PARP12: variants seen among roughly 807,000 people sequenced by gnomAD.
PARP12 encodes the protein protein mono-ADP-ribosyltransferase PARP12.
PARP12 carries 59 observed loss-of-function variants against 72.4 expected under a neutral mutation model. That is an observed-to-expected ratio of 0.81 (90% CI 0.66 to 1.01). The LOEUF (loss-of-function observed/expected upper bound fraction) is 1.01, where lower values mean the gene tolerates loss of function less well. PARP12 is among the 50% of genes least tolerant of loss of function. PARP12 has a pLI of 0.00. For synonymous variants in PARP12, 403 were observed against 371.4 expected (o/e 1.09, Z -0.98); for missense variants, 851 against 914.0 (o/e 0.93, Z 0.89).
intron 8 of PARP12, among the ~76,000 whole-genome samples, chr7:140,032,075 A>T (rs1201821958): frequency 6.6e-6 from 1 of 152,168 alleles, no homozygotes; most frequent in African/African-American, 2.4e-5. Flanking sequence ...AAAAATGGAT[A>T]AAAAGACCAA....
Position 140,024,790 on chromosome 7 carries a change from C to T in PARP12, c.1876G>A (p.Glu626Lys). ...AAGGAGGCATTGCCCCTGACGAACTCGCCCACCAGCACCCGGGCCAGGAAC... is the reference window on the plus strand; with the variant it reads ...AAGGAGGCATTGCCCCTGACGAACTTGCCCACCAGCACCCGGGCCAGGAAC... Reference protein sequence around the residue: ...TMFLARVLVGEFVRGNASFVR... With the variant: ...TMFLARVLVGKFVRGNASFVR... Residue 626 changes from glutamate to lysine, a missense_variant, in exon 12 of 12, where the codon GAG becomes AAG. This residue lies in a region of PARP12 where 347 missense variants were observed against 396.1 expected (regional missense o/e 0.88). Coordinates refer to ENST00000263549, the MANE Select transcript of PARP12 (RefSeq NM_022750.4). The T allele has an allele frequency of 1.9e-6, 3 of 1,614,176 alleles. No individual in the cohort carries two copies. The highest frequency in any genetic ancestry group is 1.6e-4 in the Middle Eastern group (1 of 6,062).
intron 2 of PARP12, 128 bp downstream of exon 2, chr7:140,057,771 T>C: frequency 7.5e-7 from 1 of 1,342,134 alleles, no homozygotes; most frequent in Non-Finnish European, 1.0e-6. Context: ...ACATTCCAAA[T>C]TTCTGCAGGT....
chr7:140,048,336 C>A (rs768681465), intron 4 of PARP12, among the ~76,000 whole-genome samples: 1 of 152,158 alleles, frequency 6.6e-6, no homozygotes, highest in Non-Finnish European at 1.5e-5. Context: ...TCCAAGCACA[C>A]GCTGCCTGCC....
At position 140,047,012 on chromosome 7, in the gene PARP12, A is replaced by C. The variant is rs1285298279; in HGVS notation, c.863-5T>G. 2 of 1,610,026 alleles carry C rather than the reference A, an allele frequency of 1.2e-6. No individual in the cohort carries two copies. Among genetic ancestry groups the C allele is most frequent in the East Asian group, 4.5e-5 (2 of 44,820 alleles). On this transcript the variant is annotated splice_polypyrimidine_tract_variant and splice_region_variant and intron_variant, in intron 4 of 11. Transcript: ENST00000263549. ...AATGAACTCTATGGCACTTATCTGAAATAAAAACATAAAGGAGTAAGATAG... is the reference window on the plus strand; with the variant it reads ...AATGAACTCTATGGCACTTATCTGACATAAAAACATAAAGGAGTAAGATAG...
chr7:140,039,018 G>A (rs1816339573), intron 6 of PARP12, among the ~76,000 whole-genome samples: 1 of 152,196 alleles, frequency 6.6e-6, no homozygotes, highest in South Asian at 2.1e-4. Context: ...AGATGCCTGA[G>A]CCAAGGCCCA....
chr7:140,057,455 T>C, intron 2 of PARP12: 1 of 445,786 alleles, frequency 2.2e-6, no homozygotes, highest in Non-Finnish European at 4.0e-6. Flanking sequence ...AATGGCTACA[T>C]CCTAAGGACC....
chr7:140,054,717 C>T lies in PARP12; in HGVS notation c.807G>A (p.Gln269=). 6.2e-7 allele frequency: 1 copy of T among 1,614,152 alleles called. No individual in the cohort carries two copies. The highest frequency in any genetic ancestry group is 8.5e-7 in the Non-Finnish European group (1 of 1,179,988). The part of the protein sequence containing the change: ...SGSVSPNTLS[Q]EEGDQICLYH... ...ACAAACAGATCTGATCACCCTCCTC[C>T]TGGCTAAGAGTGTTTGGGGACACAG... is the stretch of plus-strand genomic sequence containing the variant. The change falls in exon 4 of 12, where the codon CAG becomes CAA. Residue 269 remains glutamine (Q), a synonymous_variant. Coordinates refer to ENST00000263549, the MANE Select transcript of PARP12 (RefSeq NM_022750.4).
intron 7 of PARP12, among the ~76,000 whole-genome samples, chr7:140,037,424 G>A (rs114401544): frequency 1.6e-3 from 242 of 152,352 alleles, no homozygotes; most frequent in African/African-American, 5.5e-3. Context: ...GTTAGTCCTC[G>A]GATACAGCAG....
intron 4 of PARP12, among the ~76,000 whole-genome samples, chr7:140,053,412 T>A (rs944579144): frequency 6.6e-6 from 1 of 152,150 alleles, no homozygotes; most frequent in Non-Finnish European, 1.5e-5. Context: ...AAAAAGTAGA[T>A]CAGGGGTTTC....
In PARP12 at chr7:140,033,113, G is replaced by A. The variant is rs960024083; in HGVS notation, c.1421+1122C>T. 1.0e-5 allele frequency: 9 copies of A among 882,286 alleles called. No individual in the cohort carries two copies. In the East Asian group the frequency reaches 6.0e-4, roughly 59 times the overall value. The allele number at this position is 882,286 out of a possible 1,614,324, so 54.7% of individuals were successfully genotyped here. On this transcript the variant is annotated intron_variant, in intron 8 of 11. Transcript: ENST00000263549. Reference sequence around the variant, plus strand: ...GACTACAGGCGCACAGGCTGGTCTCGAACTCCTGGGCTCAAGCAATCTACC... The same window carrying A: ...GACTACAGGCGCACAGGCTGGTCTCAAACTCCTGGGCTCAAGCAATCTACC...
intron 5 of PARP12, among the ~76,000 whole-genome samples, chr7:140,043,949 G>C (rs113248214): frequency 0.01 from 1,584 of 152,236 alleles, 28 homozygotes; most frequent in African/African-American, 0.036. Flanking sequence ...GAAGAAATGT[G>C]GCAGAGTTTA....
At chr7:140,033,411 T>C (rs1816023466) in intron 8 of PARP12, 1 of 985,290 alleles carries the variant, frequency 1.0e-6, no homozygotes, top group Non-Finnish European at 1.2e-6. Flanking sequence ...GCCAGACCTC[T>C]CAGGCGAACA....
intron 9 of PARP12, 128 bp downstream of exon 9, chr7:140,028,485 T>C (rs1815819434): frequency 7.9e-6 from 6 of 760,810 alleles, no homozygotes; most frequent in Non-Finnish European, 1.2e-5. Flanking sequence ...CATCTGTCAC[T>C]GCCCTCCTGC....
intron 6 of PARP12, chr7:140,038,171 C>T (rs1476809664): frequency 1.0e-5 from 10 of 985,410 alleles, no homozygotes; most frequent in Non-Finnish European, 1.1e-5. Context: ...ATTCAAATGC[C>T]GGCAGAACAG....
At chr7:140,044,150 C>T (rs554762616) in intron 5 of PARP12, among the ~76,000 whole-genome samples, 1 of 152,058 alleles carries the variant, frequency 6.6e-6, no homozygotes, top group Admixed American at 6.6e-5. Flanking sequence ...CTGCACAGCA[C>T]CAAAGAATGA....
intron 8 of PARP12, among the ~76,000 whole-genome samples, chr7:140,031,556 G>A (rs983969917): frequency 2.0e-5 from 3 of 152,166 alleles, no homozygotes; most frequent in African/African-American, 4.8e-5. Context: ...TTGCTTACTG[G>A]AGTTAATGAC....
chr7:140,028,589 GCC>G (rs1322194794), intron 9 of PARP12, 22 bp downstream of exon 9: 20 of 1,552,264 alleles, frequency 1.3e-5, no homozygotes, highest in Non-Finnish European at 1.6e-5. Context: ...TTCCTGTCCA[GCC>G]CCAGGCGCAT....
chr7:140,062,414 G>A (rs1817495901), intron 1 of PARP12, 108 bp downstream of exon 1: 4 of 1,152,192 alleles, frequency 3.5e-6, no homozygotes, highest in Non-Finnish European at 4.7e-6. Context: ...TCAGGGCAGA[G>A]CCACCGAATT....
chr7:140,056,772 G>T, intron 3 of PARP12, 84 bp downstream of exon 3: 2 of 1,376,996 alleles, frequency 1.5e-6, no homozygotes, highest in Non-Finnish European at 2.0e-6. Flanking sequence ...CACATTCCAT[G>T]TAATGGCTAG....
Sources: gnomAD v4.1 joint callset for allele counts (sites outside exome capture counted in the v4.1 genomes callset) on GRCh38, gnomAD v4.1.1 for gene constraint, gnomAD v4.1.1 regional missense constraint, MANE v1.5 for transcripts, NCBI Gene and HGNC (gene_info 2026-07-23, HGNC 2026-07-21) for gene names.